RAB11FIP3: variants seen among roughly 807,000 people sequenced by gnomAD.
RAB11FIP3 encodes RAB11 family interacting protein 3.
RAB11FIP3 carries 17 observed loss-of-function variants against 77.8 expected under a neutral mutation model. The observed-to-expected ratio is 0.22, with a 90% confidence interval of 0.15 to 0.33. The LOEUF is 0.33. RAB11FIP3 is among the 10% of genes least tolerant of loss of function. The pLI is 1.00. For synonymous variants in RAB11FIP3, 437 were observed against 448.2 expected, an observed-to-expected ratio of 0.98 and a Z score of 0.31; for missense variants, 1,005 against 1,011.2, an observed-to-expected ratio of 0.99 and a Z score of 0.08.
chr16:436,527 G>A (rs2055130980), intron 1 of RAB11FIP3, among the ~76,000 whole-genome samples: 1 of 151,840 alleles, frequency 6.6e-6, no homozygotes, highest in Non-Finnish European at 1.5e-5. Context: ...TGTTGCCCAG[G>A]GTGGAGTGCA....
chr16:448,429 C>T (rs2055352380), intron 1 of RAB11FIP3, among the ~76,000 whole-genome samples: 1 of 151,034 alleles, frequency 6.6e-6, no homozygotes, highest in South Asian at 2.1e-4. Context: ...CATGGAGAAA[C>T]GCCGTCTACT....
chr16:488,790 C>T lies in RAB11FIP3; in HGVS notation c.1116-61C>T, dbSNP rs80325701. Reference sequence around the variant, plus strand: ...ACCCTATGGAAAGCACCTTCCACACCCTCAGCTCGGGGGTGCCCTGGCCTT... The same window carrying T: ...ACCCTATGGAAAGCACCTTCCACACTCTCAGCTCGGGGGTGCCCTGGCCTT... On this transcript the variant is annotated intron_variant, in intron 4 of 13. Transcript: ENST00000262305. The T allele has an allele frequency of 3.7e-3, 5,815 of 1,566,956 alleles. 188 individuals are homozygous for T. The African/African-American group carries it at 0.064, about 17-fold the overall frequency.
At chr16:442,828 C>T (rs1053413970) in intron 1 of RAB11FIP3, among the ~76,000 whole-genome samples, 7 of 152,152 alleles carry the variant, frequency 4.6e-5, no homozygotes, top group Admixed American at 6.6e-5. Flanking sequence ...CGTGCTAGAG[C>T]GGTCATCTCT....
At chr16:466,892 G>T (rs182699168) in intron 2 of RAB11FIP3, among the ~76,000 whole-genome samples, 1 of 152,320 alleles carries the variant, frequency 6.6e-6, no homozygotes, top group Admixed American at 6.5e-5. Flanking sequence ...GTCATCGTGA[G>T]CCGGCCAGGG....
intron 4 of RAB11FIP3, among the ~76,000 whole-genome samples, chr16:488,131 A>G (rs1416763025): frequency 6.6e-6 from 1 of 152,228 alleles, no homozygotes; most frequent in Non-Finnish European, 1.5e-5. Flanking sequence ...CTGTAATCCC[A>G]ACACTTTGGG....
chr16:490,921 C>G (rs2030123489), intron 5 of RAB11FIP3, among the ~76,000 whole-genome samples: 1 of 152,242 alleles, frequency 6.6e-6, no homozygotes, highest in African/African-American at 2.4e-5. Flanking sequence ...GAGGCTCGAG[C>G]TGGTGCCTGT....
At chr16:446,003 G>A (rs558178310) in intron 1 of RAB11FIP3, among the ~76,000 whole-genome samples, 1 of 152,130 alleles carries the variant, frequency 6.6e-6, no homozygotes, top group Non-Finnish European at 1.5e-5. Flanking sequence ...ACACAGAGAC[G>A]AGGGTGCATC....
intron 5 of RAB11FIP3, among the ~76,000 whole-genome samples, chr16:489,407 G>T (rs1869501985): frequency 6.6e-6 from 1 of 152,242 alleles, no homozygotes; most frequent in Non-Finnish European, 1.5e-5. Flanking sequence ...GGAAAGCTGT[G>T]ACTCTGAATA....
intron 1 of RAB11FIP3, chr16:452,362 A>G (rs2055423100): frequency 6.6e-6 from 1 of 152,168 alleles, no homozygotes; most frequent in African/African-American, 2.4e-5. Context: ...AAAGCCACAA[A>G]GAAGGACTTA....
At chr16:508,934 C>T (rs1319828699) in intron 8 of RAB11FIP3, among the ~76,000 whole-genome samples, 1 of 148,000 alleles carries the variant, frequency 6.8e-6, no homozygotes, top group Non-Finnish European at 1.5e-5. Context: ...GACAGAGTCT[C>T]ACTCTGTTGC....
chr16:518,344 G>C (rs1309189284), intron 9 of RAB11FIP3, among the ~76,000 whole-genome samples: 2 of 152,226 alleles, frequency 1.3e-5, no homozygotes, highest in African/African-American at 2.4e-5. Context: ...GCCTCCCAAA[G>C]TGTTGGGATT....
chr16:508,557 A>G (rs1444422154), intron 8 of RAB11FIP3, among the ~76,000 whole-genome samples: 1 of 152,122 alleles, frequency 6.6e-6, no homozygotes, highest in Non-Finnish European at 1.5e-5. Context: ...TATTTTTAGT[A>G]GAGACGGGGT....
chr16:518,713 C>T (rs11646375), intron 9 of RAB11FIP3, among the ~76,000 whole-genome samples: 2 of 151,198 alleles, frequency 1.3e-5, no homozygotes, highest in Admixed American at 6.6e-5. Context: ...TGACAGAGTG[C>T]GACTCTGCCT....
At chr16:498,238 A>G (rs1351916276) in intron 6 of RAB11FIP3, among the ~76,000 whole-genome samples, 1 of 152,160 alleles carries the variant, frequency 6.6e-6, no homozygotes, top group Non-Finnish European at 1.5e-5. Flanking sequence ...CCGTGGTGCA[A>G]TCACAGCTCA....
chr16:510,783 C>T lies in RAB11FIP3; in HGVS notation c.1623C>T (p.Ile541=), dbSNP rs143343068. The T allele has an allele frequency of 1.3e-5, 21 of 1,613,124 alleles. No individual in the cohort carries two copies. In the African/African-American group the frequency reaches 1.7e-4, roughly 13 times the overall value. The part of the protein sequence containing the change: ...CKMEREKSIE[I]ENLQTRLQQL... ...TGGAGAGGGAGAAGAGCATTGAGATCGAGAACCTGCAGACCAGGTAGGCGG... is the reference window on the plus strand; with the variant it reads ...TGGAGAGGGAGAAGAGCATTGAGATTGAGAACCTGCAGACCAGGTAGGCGG... The change falls in exon 9 of 14, where the codon ATC becomes ATT. Residue 541 remains isoleucine, a synonymous_variant. Coordinates refer to ENST00000262305, the MANE Select transcript of RAB11FIP3 (RefSeq NM_014700.4).
intron 1 of RAB11FIP3, among the ~76,000 whole-genome samples, chr16:443,627 G>A (rs1005224519): frequency 5.3e-5 from 8 of 152,110 alleles, no homozygotes; most frequent in East Asian, 3.9e-4. Flanking sequence ...GTGCAGTGGC[G>A]CGATCTTGGC....
chr16:467,478 G>A (rs2055723350), intron 2 of RAB11FIP3, among the ~76,000 whole-genome samples: 1 of 150,212 alleles, frequency 6.7e-6, no homozygotes, highest in Non-Finnish European at 1.5e-5. Flanking sequence ...GGAGGTGCTG[G>A]GACGTCAGGG....
Position 520,761 on chromosome 16 carries a change from C to T in RAB11FIP3, c.2193C>T (p.Asn731=), listed in dbSNP as rs2032650547. 1.2e-6 allele frequency: 2 copies of T among 1,613,694 alleles called. No individual in the cohort carries two copies. Among genetic ancestry groups the T allele is most frequent in the Non-Finnish European group, 1.7e-6 (2 of 1,180,036 alleles). Residue 731 remains asparagine (N), a synonymous_variant, in exon 14 of 14, where the codon AAC becomes AAT. Coordinates refer to ENST00000262305, the MANE Select transcript of RAB11FIP3 (RefSeq NM_014700.4). The part of the protein sequence containing the change: ...MEAIQKQEEI[N]FRLQDYIDRI... Reference sequence around the variant, plus strand: ...CGATTCAGAAGCAGGAGGAGATCAACTTCCGCCTGCAGGACTACATCGACA... The same window carrying T: ...CGATTCAGAAGCAGGAGGAGATCAATTTCCGCCTGCAGGACTACATCGACA...
At position 519,030 on chromosome 16, in the gene RAB11FIP3, C is replaced by A. The variant is rs770523813; in HGVS notation, c.1722+6C>A. 2 of 1,613,018 alleles carry A rather than the reference C, an allele frequency of 1.2e-6. No individual in the cohort carries two copies. Among genetic ancestry groups the A allele is most frequent in the Non-Finnish European group, 1.7e-6 (2 of 1,179,900 alleles). ...ACATTGAGCGTCTGGAGGAGGTGAGCTGCCAACAGCCTGGAGCTGTGGCCA... is the reference window on the plus strand; with the variant it reads ...ACATTGAGCGTCTGGAGGAGGTGAGATGCCAACAGCCTGGAGCTGTGGCCA... On this transcript the variant is annotated splice_donor_region_variant and intron_variant, in intron 10 of 13. Coordinates refer to ENST00000262305, the MANE Select transcript of RAB11FIP3 (RefSeq NM_014700.4).
Sources: allele counts gnomAD v4.1 joint callset (sites outside exome capture counted in the v4.1 genomes callset), GRCh38; gene constraint gnomAD v4.1.1; transcripts MANE v1.5; gene names NCBI Gene and HGNC (gene_info 2026-07-23, HGNC 2026-07-21).